Variants in KCNB2 observed in about 807,000 individuals in gnomAD.
KCNB2 encodes the protein potassium voltage-gated channel subfamily B member 2.
Under a neutral mutation model 61.5 loss-of-function variants are expected in KCNB2, and 15 were observed. The ratio of observed to expected loss-of-function variants is 0.24; its 90% CI spans 0.16 to 0.38. The LOEUF is 0.38. Among genes scored for constraint, KCNB2 ranks in the 10% least tolerant of loss-of-function variants. The pLI is 1.00. For missense variants in KCNB2, 828 were observed against 1,125.2 expected (o/e 0.74, Z 3.78); for synonymous variants, 457 against 446.0 (o/e 1.02, Z -0.31).
At chr8:72,897,332 T>C (rs530608837) in intron 2 of KCNB2, among the ~76,000 whole-genome samples, 1 of 152,256 alleles carries the variant, frequency 6.6e-6, no homozygotes, top group South Asian at 2.1e-4. Context: ...TAATTAAGCC[T>C]CCAGATCCTA....
intron 2 of KCNB2, among the ~76,000 whole-genome samples, chr8:72,638,526 T>A (rs1209053844): frequency 2.0e-5 from 3 of 152,164 alleles, no homozygotes. Context: ...GGGTTCTTCT[T>A]CTAATTAGCA....
chr8:72,744,036 G>A (rs768937415), intron 2 of KCNB2, among the ~76,000 whole-genome samples: 7 of 152,020 alleles, frequency 4.6e-5, no homozygotes, highest in Non-Finnish European at 7.4e-5. Context: ...TGCTTCCAGA[G>A]AGACAATATT....
At chr8:72,646,217 A>G (rs1054242172) in intron 2 of KCNB2, among the ~76,000 whole-genome samples, 1 of 152,028 alleles carries the variant, frequency 6.6e-6, no homozygotes, top group African/African-American at 2.4e-5. Flanking sequence ...CTTCAAATAT[A>G]TACATTTTAT....
In KCNB2 at chr8:72,567,755, G is replaced by A. The variant is rs1481650709; in HGVS notation, c.21G>A (p.Pro7=). MAEKAP[P]GLNRKTSRST... ...TCAAAATGGCAGAAAAGGCTCCCCC[G>A]GGCTTAAACAGGAAGACTTCAAGGT... The change falls in exon 2 of 3, where the codon CCG becomes CCA. Residue 7 remains proline (P), a synonymous_variant. Transcript: ENST00000523207. 2 of 1,574,812 alleles carry A rather than the reference G, an allele frequency of 1.3e-6. No homozygotes were observed. The highest frequency in any genetic ancestry group is 2.2e-5 in the East Asian group (1 of 44,522).
chr8:72,675,543 C>T (rs541877103), intron 2 of KCNB2, among the ~76,000 whole-genome samples: 1 of 151,002 alleles, frequency 6.6e-6, no homozygotes, highest in East Asian at 1.9e-4. Flanking sequence ...AGATGAGTCT[C>T]ACTCTGTCAC....
chr8:72,886,356 C>G (rs754514634), intron 2 of KCNB2, among the ~76,000 whole-genome samples: 20 of 152,208 alleles, frequency 1.3e-4, no homozygotes, highest in Non-Finnish European at 2.2e-4. Context: ...CTCAGTCTCT[C>G]TCTCTTTACC....
At chr8:72,657,309 T>G (rs1563550757) in intron 2 of KCNB2, among the ~76,000 whole-genome samples, 1 of 152,126 alleles carries the variant, frequency 6.6e-6, no homozygotes, top group Non-Finnish European at 1.5e-5. Flanking sequence ...AGCAAATTCT[T>G]AGAAAAGAAG....
chr8:72,552,218 A>G (rs369690206), intron 1 of KCNB2, among the ~76,000 whole-genome samples: 19 of 152,342 alleles, frequency 1.2e-4, no homozygotes, highest in African/African-American at 4.3e-4. Flanking sequence ...TGTTCTTCCA[A>G]CAGAATTTTT....
At chr8:72,728,012 C>A (rs887027192) in intron 2 of KCNB2, among the ~76,000 whole-genome samples, 1 of 151,900 alleles carries the variant, frequency 6.6e-6, no homozygotes, top group Non-Finnish European at 1.5e-5. Context: ...GCATAAAAAC[C>A]AGTTCAAAAC....
chr8:72,603,276 C>G (rs1205895952), intron 2 of KCNB2, among the ~76,000 whole-genome samples: 2 of 152,182 alleles, frequency 1.3e-5, no homozygotes, highest in African/African-American at 4.8e-5. Flanking sequence ...TCTTTTTAAC[C>G]ATGACACCCA....
intron 2 of KCNB2, among the ~76,000 whole-genome samples, chr8:72,920,285 T>G (rs1164650916): frequency 6.6e-6 from 1 of 151,326 alleles, no homozygotes; most frequent in Non-Finnish European, 1.5e-5. Context: ...TCAATAATGT[T>G]AACTTTGCTT....
intron 2 of KCNB2, among the ~76,000 whole-genome samples, chr8:72,863,611 G>A (rs1284872114): frequency 6.6e-6 from 1 of 152,228 alleles, no homozygotes; most frequent in Non-Finnish European, 1.5e-5. Flanking sequence ...GTTGGTGTCT[G>A]TACATACACA....
intron 2 of KCNB2, among the ~76,000 whole-genome samples, chr8:72,708,379 A>C (rs1280211856): frequency 6.6e-6 from 1 of 152,186 alleles, no homozygotes; most frequent in Admixed American, 6.5e-5. Flanking sequence ...GCGCTCGTGG[A>C]GGTGAATCTG....
chr8:72,853,441 C>T (rs1223093452), intron 2 of KCNB2, among the ~76,000 whole-genome samples: 2 of 152,296 alleles, frequency 1.3e-5, no homozygotes, highest in African/African-American at 4.8e-5. Context: ...CTTGCACCAT[C>T]CTACTTTCCT....
chr8:72,688,730 A>T (rs1806894650), intron 2 of KCNB2, among the ~76,000 whole-genome samples: 1 of 151,970 alleles, frequency 6.6e-6, no homozygotes, highest in Non-Finnish European at 1.5e-5. Flanking sequence ...TCATTTTTTA[A>T]ATTTATTTAT....
chr8:72,681,099 A>G (rs772683364), intron 2 of KCNB2, among the ~76,000 whole-genome samples: 7 of 152,302 alleles, frequency 4.6e-5, no homozygotes, highest in Admixed American at 2.0e-4. Context: ...AAAATAAGTC[A>G]AAGACGACCC....
intron 2 of KCNB2, among the ~76,000 whole-genome samples, chr8:72,633,463 A>G (rs1349615575): frequency 6.6e-6 from 1 of 152,178 alleles, no homozygotes; most frequent in African/African-American, 2.4e-5. Flanking sequence ...GCCATTCGCC[A>G]TGTAACTTCA....
At chr8:72,655,072 A>G (rs1806269776) in intron 2 of KCNB2, among the ~76,000 whole-genome samples, 1 of 152,176 alleles carries the variant, frequency 6.6e-6, no homozygotes, top group African/African-American at 2.4e-5. Flanking sequence ...TAGAATGGAT[A>G]AAGAAAATGT....
At chr8:72,625,046 G>C (rs1805768494) in intron 2 of KCNB2, among the ~76,000 whole-genome samples, 2 of 152,206 alleles carry the variant, frequency 1.3e-5, no homozygotes, top group Non-Finnish European at 2.9e-5. Flanking sequence ...CCCCATAGGA[G>C]ACCCCAGCAC....
Sources: allele counts gnomAD v4.1 joint callset (sites outside exome capture counted in the v4.1 genomes callset), GRCh38; gene constraint gnomAD v4.1.1; transcripts MANE v1.5; gene names NCBI Gene and HGNC (gene_info 2026-07-23, HGNC 2026-07-21).